The following RPA2 variants were observed in gnomAD, a reference collection of about 807,000 sequenced individuals.
RPA2 encodes replication protein A2.
In RPA2, 22 loss-of-function variants were observed where a neutral mutation model predicts 33.4. That is an observed-to-expected ratio of 0.66 (90% confidence interval 0.47 to 0.94). The LOEUF (loss-of-function observed/expected upper bound fraction) is 0.94. Ranked by LOEUF, RPA2 falls within the 40% of genes least tolerant of loss-of-function variation. The pLI is 0.00. For synonymous variants in RPA2, 109 were observed against 114.9 expected, an observed-to-expected ratio of 0.95 and a Z score of 0.33; for missense variants, 279 against 329.9, an observed-to-expected ratio of 0.85 and a Z score of 1.19.
chr1:27,900,810 A>G (rs1192920793), intron 4 of RPA2, among the ~76,000 whole-genome samples: 1 of 152,084 alleles, frequency 6.6e-6, no homozygotes, highest in African/African-American at 2.4e-5. Flanking sequence ...GATTACAGGC[A>G]TGTACCACCA....
intron 1 of RPA2, 116 bp downstream of exon 1, chr1:27,914,318 G>T: frequency 6.2e-7 from 1 of 1,611,124 alleles, no homozygotes; most frequent in Non-Finnish European, 8.5e-7. Flanking sequence ...AAACGCCCCA[G>T]CTCCGCTCCC....
In RPA2 at chr1:27,902,016, T is replaced by TA. The variant is rs11286461; in HGVS notation, c.334-4310dup. ...CCCCACAAATTGACATTAAACATAG[T>TA]AAAAAAAAAAATACATATATATGGC... On this transcript the variant is annotated intron_variant, in intron 4 of 8. Transcript: ENST00000373912. Among the ~76,000 whole-genome samples the TA allele has an allele frequency of 1.8e-3, 271 of 148,734 alleles. 1 individual carries two copies. Among genetic ancestry groups the TA allele is most frequent in the Admixed American group, 8.7e-3 (129 of 14,822 alleles).
In RPA2 at chr1:27,892,097, C is replaced by G. The variant is rs1557460954; in HGVS notation, c.*66G>C. The G allele has an allele frequency of 7.3e-7, 1 of 1,363,004 alleles. No homozygotes were observed. Among genetic ancestry groups the G allele is most frequent in the African/African-American group, 1.4e-5 (1 of 70,150 alleles). 84.4% of individuals were successfully genotyped at this position (1,363,004 alleles called of 1,614,324 possible). ...GCCCCCTGGCCAGACATATGCAGAGCTGGAGACAACAGATTGTGAAACTAG... is the reference window on the plus strand; with the variant it reads ...GCCCCCTGGCCAGACATATGCAGAGGTGGAGACAACAGATTGTGAAACTAG... On this transcript the variant is annotated 3_prime_UTR_variant, in exon 9 of 9. Transcript: ENST00000373912.
At chr1:27,914,627 G>A (rs1425064061), upstream of RPA2, 5 of 1,613,744 alleles carry the variant, frequency 3.1e-6, no homozygotes, top group South Asian at 1.1e-5. Flanking sequence ...CGGTGCTCAC[G>A]GATGCTACGC....
chr1:27,891,844 CT>C lies in RPA2; in HGVS notation c.*318del. 1 of 253,246 alleles carries C rather than the reference CT, an allele frequency of 3.9e-6. No homozygotes were observed. Among genetic ancestry groups the C allele is most frequent in the Non-Finnish European group, 7.7e-6 (1 of 130,662 alleles). 15.7% of individuals were successfully genotyped at this position (253,246 alleles called of 1,614,324 possible). ...GTAAACATTTTAAGAAGAGAAACTCCTGAGCACTATGTAAGTACTCTCCTGG... is the reference window on the plus strand; with the variant it reads ...GTAAACATTTTAAGAAGAGAAACTCCGAGCACTATGTAAGTACTCTCCTGG... On this transcript the variant is annotated 3_prime_UTR_variant, in exon 9 of 9. Coordinates refer to ENST00000373912, the MANE Select transcript of RPA2 (RefSeq NM_002946.5).
At chr1:27,901,619 C>A (rs2089968881) in intron 4 of RPA2, among the ~76,000 whole-genome samples, 1 of 152,046 alleles carries the variant, frequency 6.6e-6, no homozygotes, top group African/African-American at 2.4e-5. Context: ...CCTCGGCCTC[C>A]CAAAGTGCTG....
intron 4 of RPA2, among the ~76,000 whole-genome samples, chr1:27,900,125 G>A (rs1017747397): frequency 1.3e-5 from 2 of 152,056 alleles, no homozygotes; most frequent in Admixed American, 1.3e-4. Flanking sequence ...TATTTATTTG[G>A]TTTTTTGATA....
rs748375829 is a variant in RPA2, at chr1:27,914,119, T to C, written c.61A>G (p.Thr21Ala). 6.2e-7 allele frequency: 1 copy of C among 1,611,348 alleles called. No individual in the cohort carries two copies. Among genetic ancestry groups the C allele is most frequent in the Non-Finnish European group, 8.5e-7 (1 of 1,179,238 alleles). ...SSSYGGAGGY[T>A]QSPGGFGSPA... Reference sequence around the variant, plus strand: ...GATCCAAAGCCCCCCGGGGACTGCGTGTAGCCGCCGGCTCCCCCGTATGAG... The same window carrying C: ...GATCCAAAGCCCCCCGGGGACTGCGCGTAGCCGCCGGCTCCCCCGTATGAG... The change falls in exon 2 of 9, where the codon ACG becomes GCG. Residue 21 changes from threonine (T) to alanine (A), a missense_variant. By Grantham distance (58) the Thr-to-Ala change is moderately conservative (BLOSUM62 0). Transcript: ENST00000373912.
intron 4 of RPA2, among the ~76,000 whole-genome samples, chr1:27,899,960 G>A (rs923487559): frequency 3.9e-5 from 6 of 152,084 alleles, no homozygotes; most frequent in Non-Finnish European, 7.4e-5. Flanking sequence ...GATTACAGGC[G>A]TGAGCCACGG....
At chr1:27,910,105 A>T (rs1340799823) in intron 2 of RPA2, among the ~76,000 whole-genome samples, 2 of 152,210 alleles carry the variant, frequency 1.3e-5, no homozygotes, top group East Asian at 3.8e-4. Context: ...TATCTTCAGC[A>T]TAAGAAAACT....
intron 6 of RPA2, among the ~76,000 whole-genome samples, chr1:27,896,415 C>T (rs950416558): frequency 8.5e-5 from 13 of 152,090 alleles, no homozygotes; most frequent in Admixed American, 8.5e-4. Flanking sequence ...GATGCCCCCA[C>T]ACCAGCCTCC....
At chr1:27,899,809 T>C (rs1276031523) in intron 4 of RPA2, among the ~76,000 whole-genome samples, 2 of 151,984 alleles carry the variant, frequency 1.3e-5, no homozygotes, top group Non-Finnish European at 2.9e-5. Flanking sequence ...GCCTCCCTAG[T>C]AGCTGGGACT....
At chr1:27,906,900 CCAT>C in intron 4 of RPA2, 25 bp downstream of exon 4, 3 of 1,494,694 alleles carry the variant, frequency 2.0e-6, no homozygotes, top group Non-Finnish European at 2.8e-6. Flanking sequence ...CAAAGTAACC[CCAT>C]CATGATTCAA....
chr1:27,898,825 G>A (rs1019659811), intron 4 of RPA2, among the ~76,000 whole-genome samples: 1 of 151,982 alleles, frequency 6.6e-6, no homozygotes, highest in African/African-American at 2.4e-5. Context: ...CCAAAGTGCT[G>A]GGATTACAGG....
intron 2 of RPA2, among the ~76,000 whole-genome samples, 185 bp from the exon 3 acceptor site, chr1:27,907,467 C>T (rs1175833245): frequency 1.3e-5 from 2 of 152,154 alleles, no homozygotes. Context: ...CTTTTAGAAT[C>T]CAAACCCAGG....
chr1:27,905,963 T>C (rs2090023673), intron 4 of RPA2, among the ~76,000 whole-genome samples: 1 of 131,886 alleles, frequency 7.6e-6, no homozygotes, highest in African/African-American at 3.0e-5. Flanking sequence ...ATTTAAATGT[T>C]TGTAATATGT....
chr1:27,898,702 C>CGTGG (rs1304111222), intron 4 of RPA2, among the ~76,000 whole-genome samples: 1 of 151,756 alleles, frequency 6.6e-6, no homozygotes, highest in African/African-American at 2.4e-5. Context: ...CCTGCCACCA[C>CGTGG]ACCTGGTTAA....
chr1:27,914,427 T>C lies in RPA2; in HGVS notation c.10+7A>G. 6.2e-7 allele frequency: 1 copy of C among 1,603,284 alleles called. No individual in the cohort carries two copies. Among genetic ancestry groups the C allele is most frequent in the Non-Finnish European group, 8.5e-7 (1 of 1,174,070 alleles). ...CTTCCTCCTCCACCCCGCACCCCCA[T>C]CATTACTGTTCCACATCTTGGTCAC... On this transcript the variant is annotated splice_region_variant and intron_variant, in intron 1 of 8. Transcript: ENST00000373912.
chr1:27,911,658 A>C (rs919391605), intron 2 of RPA2, among the ~76,000 whole-genome samples: 1 of 152,192 alleles, frequency 6.6e-6, no homozygotes, highest in Admixed American at 6.6e-5. Flanking sequence ...GGATTTGTTC[A>C]GCATCATGTG....
Sources: gnomAD v4.1 joint callset for allele counts (sites outside exome capture counted in the v4.1 genomes callset) on GRCh38, gnomAD v4.1.1 for gene constraint, MANE v1.5 for transcripts, NCBI Gene and HGNC (gene_info 2026-07-23, HGNC 2026-07-21) for gene names.